RGS7: variants seen among roughly 807,000 people sequenced by gnomAD.
The protein encoded by RGS7 is regulator of G-protein signaling 7.
In RGS7, 27 loss-of-function variants were observed where a neutral mutation model predicts 81.1. The ratio of observed to expected loss-of-function variants is 0.33; its 90% CI spans 0.25 to 0.46. The LOEUF (loss-of-function observed/expected upper bound fraction) is 0.46. RGS7 is among the 20% of genes least tolerant of loss of function. The probability of loss-of-function intolerance (pLI) is 1.00; values close to 1 mark genes in which losing one functional copy is unlikely to be tolerated. For synonymous variants in RGS7, 208 were observed against 207.7 expected, an observed-to-expected ratio of 1.00 and a Z score of -0.01; for missense variants, 396 against 607.4, an observed-to-expected ratio of 0.65 and a Z score of 3.66.
intron 3 of RGS7, among the ~76,000 whole-genome samples, chr1:241,019,435 C>T (rs2059432362): frequency 6.6e-6 from 1 of 151,938 alleles, no homozygotes; most frequent in African/African-American, 2.4e-5. Flanking sequence ...TATACATGTG[C>T]CATGTTGGTT....
At chr1:241,115,212 G>A (rs1412776827) in intron 2 of RGS7, among the ~76,000 whole-genome samples, 1 of 152,056 alleles carries the variant, frequency 6.6e-6, no homozygotes, top group East Asian at 1.9e-4. Flanking sequence ...ATTTTCTGAT[G>A]GCCATTCCCA....
At chr1:240,792,423 C>A (rs937031544) in intron 18 of RGS7, among the ~76,000 whole-genome samples, 1 of 151,466 alleles carries the variant, frequency 6.6e-6, no homozygotes, top group Non-Finnish European at 1.5e-5. Flanking sequence ...TGATGGCCCA[C>A]GTGTAGATCC....
intron 2 of RGS7, among the ~76,000 whole-genome samples, chr1:241,176,435 G>A (rs1466503305): frequency 6.6e-6 from 1 of 152,022 alleles, no homozygotes; most frequent in African/African-American, 2.4e-5. Flanking sequence ...GTTATTTCTG[G>A]GTCAGTGTCT....
chr1:240,812,184 C>A, intron 13 of RGS7, 141 bp from the exon 14 acceptor site: 1 of 821,122 alleles, frequency 1.2e-6, no homozygotes, highest in Non-Finnish European at 2.0e-6. Context: ...ATCCGATTAA[C>A]GGCTCTGCAT....
chr1:240,963,316 A>G (rs12731839), intron 4 of RGS7, among the ~76,000 whole-genome samples: 55,458 of 151,968 alleles, frequency 0.36, 10,230 homozygotes, highest in Admixed American at 0.39. Context: ...CTCAGAAGAG[A>G]GTCCAGAGGT....
chr1:241,252,015 A>T (rs2076854193), intron 2 of RGS7, among the ~76,000 whole-genome samples: 1 of 151,152 alleles, frequency 6.6e-6, no homozygotes, highest in South Asian at 2.1e-4. Context: ...GGCCAAGAAG[A>T]GGCCAGCTTT....
At chr1:241,300,469 T>G (rs2079685476) in intron 2 of RGS7, among the ~76,000 whole-genome samples, 1 of 152,210 alleles carries the variant, frequency 6.6e-6, no homozygotes, top group African/African-American at 2.4e-5. Context: ...CTTTTCACCA[T>G]CTCCATAGTT....
At chr1:241,235,909 T>TGAGAGA (rs1553294805) in intron 2 of RGS7, among the ~76,000 whole-genome samples, 13 of 137,902 alleles carry the variant, frequency 9.4e-5, no homozygotes, top group Non-Finnish European at 1.5e-4. Context: ...AGATGCACTT[T>TGAGAGA]GAGAGAGAGA....
intron 6 of RGS7, among the ~76,000 whole-genome samples, chr1:240,914,748 T>C (rs538991050): frequency 6.6e-6 from 1 of 151,528 alleles, no homozygotes; most frequent in African/African-American, 2.4e-5. Context: ...CCATCCAATC[T>C]CACAAAGAAA....
intron 6 of RGS7, among the ~76,000 whole-genome samples, chr1:240,874,141 T>C (rs1664956593): frequency 6.6e-6 from 1 of 152,124 alleles, no homozygotes; most frequent in African/African-American, 2.4e-5. Context: ...AAGTGGGCCC[T>C]CCCCAGACAT....
chr1:241,340,351 G>C (rs993642744), intron 2 of RGS7, among the ~76,000 whole-genome samples: 2 of 152,098 alleles, frequency 1.3e-5, no homozygotes, highest in Non-Finnish European at 2.9e-5. Context: ...ATGCTGTATA[G>C]TCACTAATGC....
At chr1:241,233,188 T>C (rs2075760256) in intron 2 of RGS7, among the ~76,000 whole-genome samples, 1 of 152,224 alleles carries the variant, frequency 6.6e-6, no homozygotes, top group South Asian at 2.1e-4. Context: ...TCAAGGTAAC[T>C]TGGATATCCG....
At chr1:240,817,140 T>C (rs1486750720) in intron 10 of RGS7, among the ~76,000 whole-genome samples, 1 of 152,198 alleles carries the variant, frequency 6.6e-6, no homozygotes, top group Non-Finnish European at 1.5e-5. Flanking sequence ...TAAATAAAGA[T>C]CTGGTGACTA....
chr1:240,874,385 GC>G (rs1665002737), intron 6 of RGS7, among the ~76,000 whole-genome samples: 1 of 152,062 alleles, frequency 6.6e-6, no homozygotes, highest in South Asian at 2.1e-4. Context: ...ATGAACTGAG[GC>G]CTCTGATCCT....
chr1:240,832,738 C>G (rs1694055528), intron 9 of RGS7, among the ~76,000 whole-genome samples: 7 of 152,102 alleles, frequency 4.6e-5, no homozygotes, highest in Admixed American at 3.9e-4. Flanking sequence ...TGATGTGTAC[C>G]TGGGAGAACA....
At chr1:240,958,408 C>A (rs541120962) in intron 4 of RGS7, among the ~76,000 whole-genome samples, 5 of 152,234 alleles carry the variant, frequency 3.3e-5, no homozygotes, top group African/African-American at 9.6e-5. Context: ...AGGCTCTTTG[C>A]GGAAGTAACT....
intron 2 of RGS7, among the ~76,000 whole-genome samples, chr1:241,344,091 A>C (rs1236149796): frequency 6.6e-6 from 1 of 152,190 alleles, no homozygotes; most frequent in African/African-American, 2.4e-5. Context: ...GATTTGCTTC[A>C]AAATAATCAA....
At chr1:241,294,474 A>T (rs2079275553) in intron 2 of RGS7, among the ~76,000 whole-genome samples, 1 of 152,264 alleles carries the variant, frequency 6.6e-6, no homozygotes, top group South Asian at 2.1e-4. Context: ...AAAATGTAAA[A>T]GTCAAAAGCT....
intron 18 of RGS7, among the ~76,000 whole-genome samples, chr1:240,793,699 T>C (rs2103021311): frequency 6.7e-6 from 1 of 148,388 alleles, no homozygotes; most frequent in African/African-American, 2.5e-5. Flanking sequence ...AAGCTCCACC[T>C]TCCCGGTTCA....
Sources: allele counts gnomAD v4.1 joint callset (sites outside exome capture counted in the v4.1 genomes callset), GRCh38; gene constraint gnomAD v4.1.1; transcripts MANE v1.5; gene names NCBI Gene and HGNC (gene_info 2026-07-23, HGNC 2026-07-21).